Variants in FARP2 observed in about 807,000 individuals in gnomAD.
The protein encoded by FARP2 is FERM, ARHGEF and pleckstrin domain-containing protein 2.
Under a neutral mutation model 130.5 loss-of-function variants are expected in FARP2, and 111 were observed. That is an observed-to-expected ratio of 0.85 (90% CI 0.73 to 1.00). The LOEUF (loss-of-function observed/expected upper bound fraction) is 1.00. Among genes scored for constraint, FARP2 ranks in the 50% least tolerant of loss-of-function variants. The pLI, the probability that FARP2 is intolerant of heterozygous loss-of-function variation, is 0.00. For missense variants in FARP2, 1,385 were observed against 1,346.3 expected (o/e 1.03, Z -0.45); for synonymous variants, 504 against 516.9 (o/e 0.98, Z 0.34).
intron 2 of FARP2, among the ~76,000 whole-genome samples, chr2:241,400,784 A>T (rs2062146498): frequency 6.6e-6 from 1 of 152,168 alleles, no homozygotes; most frequent in South Asian, 2.1e-4. Context: ...GTGATCCTGG[A>T]TGGAAGTGTG....
At chr2:241,382,518 A>G (rs2061687396) in intron 2 of FARP2, among the ~76,000 whole-genome samples, 1 of 152,144 alleles carries the variant, frequency 6.6e-6, no homozygotes, top group African/African-American at 2.4e-5. Context: ...CCTGGGCTCA[A>G]GCCGTATACC....
At chr2:241,356,631 G>A (rs953629524) in intron 1 of FARP2, among the ~76,000 whole-genome samples, 174 of 152,274 alleles carry the variant, frequency 1.1e-3, no homozygotes, top group Non-Finnish European at 2.2e-3. Flanking sequence ...GGGGCGGTGG[G>A]CCGGGGAGTG....
At chr2:241,412,911 C>A (rs1199123278) in intron 6 of FARP2, among the ~76,000 whole-genome samples, 1 of 152,092 alleles carries the variant, frequency 6.6e-6, no homozygotes, top group Non-Finnish European at 1.5e-5. Context: ...ACCTATAGTC[C>A]CAGCTACTTA....
chr2:241,417,483 T>C (rs1259017495), intron 7 of FARP2, among the ~76,000 whole-genome samples: 2 of 152,084 alleles, frequency 1.3e-5, no homozygotes, highest in African/African-American at 4.8e-5. Context: ...CCACCACGCC[T>C]GGCTAATTTT....
At chr2:241,372,294 A>G (rs1455888769) in intron 1 of FARP2, among the ~76,000 whole-genome samples, 1 of 152,070 alleles carries the variant, frequency 6.6e-6, no homozygotes, top group African/African-American at 2.4e-5. Context: ...GGAGCTGGGA[A>G]GGGCCTGACC....
chr2:241,480,619 T>C (rs946332619), intron 19 of FARP2, among the ~76,000 whole-genome samples: 9 of 152,054 alleles, frequency 5.9e-5, no homozygotes, highest in Admixed American at 3.3e-4. Context: ...TTTTTAGGTA[T>C]GGTATTTTAT....
Position 241,407,543 on chromosome 2 carries a change from A to G in FARP2, c.338A>G (p.Lys113Arg). The G allele has an allele frequency of 6.2e-7, 1 of 1,613,818 alleles. No individual in the cohort carries two copies. Among genetic ancestry groups the G allele is most frequent in the Non-Finnish European group, 8.5e-7 (1 of 1,179,696 alleles). Reference sequence around the variant, plus strand: ...TTAAATTTTTTTGTTATAGGGCCAAAGAATGTGGTGCTTCGCCTAGCTGTA... The same window carrying G: ...TTAAATTTTTTTGTTATAGGGCCAAGGAATGTGGTGCTTCGCCTAGCTGTA... ...KPIIRQIRRP[K>R]NVVLRLAVKF... Residue 113 changes from lysine to arginine, a missense_variant, in exon 5 of 27, where the codon AAG becomes AGG. Lys to Arg is a conservative substitution (Grantham distance 26). Transcript: ENST00000264042.
intron 4 of FARP2, among the ~76,000 whole-genome samples, chr2:241,406,663 C>T (rs2062360840): frequency 6.6e-6 from 1 of 151,978 alleles, no homozygotes; most frequent in African/African-American, 2.4e-5. Flanking sequence ...GGGATTTCAC[C>T]ATGTTGCGCA....
At chr2:241,436,089 T>C (rs1261652881) in intron 11 of FARP2, among the ~76,000 whole-genome samples, 1 of 151,308 alleles carries the variant, frequency 6.6e-6, no homozygotes, top group Non-Finnish European at 1.5e-5. Context: ...ATTTTTTGTA[T>C]TTTTAATAGA....
Position 241,462,577 on chromosome 2 carries a change from C to T in FARP2, c.1642C>T (p.Arg548Ter), listed in dbSNP as rs776691518. The change falls in exon 15 of 27, where the codon CGA (arginine) becomes TGA (stop). Residue 548 changes from arginine to a stop codon, truncating the protein, a stop_gained. Transcript: ENST00000264042. LOFTEE classifies it high-confidence loss of function. ...AGTCAAAGAGATTCTCGCTACAGAA[C>T]GAACATACCTCAAGGATTTAGAAGT... ...FIVKEILATE[R>*]TYLKDLEVIT... is the part of the protein sequence containing the mutation. 1.8e-5 allele frequency: 29 copies of T among 1,613,320 alleles called. No individual in the cohort carries two copies. The highest frequency in any genetic ancestry group is 8.3e-5 in the Admixed American group (5 of 59,994).
At position 241,469,069 on chromosome 2, in the gene FARP2, TTGTTTA is replaced by T. The variant is rs1410989973; in HGVS notation, c.2131+701_2131+706del. On this transcript the variant is annotated intron_variant, in intron 18 of 26. Coordinates refer to ENST00000264042, the MANE Select transcript of FARP2 (RefSeq NM_014808.4). ...ATCAGGAGGTTTTTTGTTTTTGTTT[TTGTTTA>T]TGTTTATGGTTTTGTGGTTTTTTTT... Among the ~76,000 whole-genome samples the T allele has an allele frequency of 4.6e-5, 7 of 151,846 alleles. No homozygotes were observed. In the South Asian group the frequency reaches 1.2e-3, roughly 27 times the overall value.
intron 24 of FARP2, chr2:241,492,672 G>C (rs931690949): frequency 2.4e-6 from 1 of 423,626 alleles, no homozygotes; most frequent in Admixed American, 3.9e-5. Context: ...GTGGATGGTT[G>C]GTTACTGAAC....
intron 11 of FARP2, 144 bp from the exon 12 acceptor site, chr2:241,436,337 T>C (rs2063229495): frequency 1.4e-6 from 1 of 691,306 alleles, no homozygotes; most frequent in South Asian, 1.7e-5. Flanking sequence ...TTTTCCATTC[T>C]CCTGCCCCTT....
At chr2:241,367,908 C>T (rs1475983736) in intron 1 of FARP2, among the ~76,000 whole-genome samples, 1 of 150,840 alleles carries the variant, frequency 6.6e-6, no homozygotes, top group Non-Finnish European at 1.5e-5. Flanking sequence ...TTTTTTAGAG[C>T]AGTTTTAGGT....
At position 241,439,571 on chromosome 2, in the gene FARP2, C is replaced by T. The variant is rs190617728; in HGVS notation, c.1159-1733C>T. Among the ~76,000 whole-genome samples, 1,051 of 152,160 alleles carry T rather than the reference C, an allele frequency of 6.9e-3. 13 individuals are homozygous for T. The highest frequency in any genetic ancestry group is 0.024 in the African/African-American group (990 of 41,516). On this transcript the variant is annotated intron_variant, in intron 12 of 26. Coordinates refer to ENST00000264042, the MANE Select transcript of FARP2 (RefSeq NM_014808.4). ...GTCTTGATCTCCTGAACTCATGATC[C>T]GCCCGACTCGGCCTCCCAAAGTGCT...
rs535929000 is a variant in FARP2, at chr2:241,437,515, G to T, written c.1158+977G>T. Among the ~76,000 whole-genome samples the T allele has an allele frequency of 3.3e-5, 5 of 152,160 alleles. No individual in the cohort carries two copies. The South Asian group carries it at 1.0e-3, about 32-fold the overall frequency. On this transcript the variant is annotated intron_variant, in intron 12 of 26. Coordinates refer to ENST00000264042, the MANE Select transcript of FARP2 (RefSeq NM_014808.4). ...GAGTCTTACTCTCTTGCCCAGGCTG[G>T]AGTGCAGTGGCATGATCTAGGCTCA...
chr2:241,493,085 C>T (rs778883751), intron 25 of FARP2, 49 bp downstream of exon 25: 3 of 1,181,414 alleles, frequency 2.5e-6, no homozygotes, highest in Non-Finnish European at 3.8e-6. Flanking sequence ...AGCAGACAGA[C>T]ACTTAACCCT....
At chr2:241,483,775 G>C (rs1338529029) in intron 20 of FARP2, 1 of 984,180 alleles carries the variant, frequency 1.0e-6, no homozygotes, top group African/African-American at 1.7e-5. Flanking sequence ...TCCAGGTTCT[G>C]AGCACCTGAC....
chr2:241,430,977 G>C (rs981859118), intron 8 of FARP2, among the ~76,000 whole-genome samples: 4 of 151,430 alleles, frequency 2.6e-5, no homozygotes, highest in African/African-American at 9.7e-5. Context: ...TCCAGCCTAG[G>C]TGATAGAGTG....
Sources: gnomAD v4.1 joint callset for allele counts (sites outside exome capture counted in the v4.1 genomes callset) on GRCh38, gnomAD v4.1.1 for gene constraint, MANE v1.5 for transcripts, NCBI Gene and HGNC (gene_info 2026-07-23, HGNC 2026-07-21) for gene names.